UHRF1: variants seen among roughly 807,000 people sequenced by gnomAD.
UHRF1 encodes the protein E3 ubiquitin-protein ligase UHRF1.
A neutral mutation model predicts 96.5 loss-of-function variants in UHRF1; 9 were observed. That is an observed-to-expected ratio of 0.09 (90% CI 0.06 to 0.16). The LOEUF is 0.16. Ranked by LOEUF, UHRF1 falls within the 10% of genes least tolerant of loss-of-function variation. UHRF1 has a pLI of 1.00. For missense variants in UHRF1, 626 were observed against 1,131.1 expected (o/e 0.55, Z 6.40); for synonymous variants, 455 against 469.9 (o/e 0.97, Z 0.41).
rs2032971814 is a variant in UHRF1, at chr19:4,929,290, C to T, written c.222C>T (p.Arg74=). The change falls in exon 3 of 17, where the codon CGC becomes CGT. Residue 74 remains arginine, a synonymous_variant. Transcript: ENST00000650932. ...ATGACACCATCCAGCTCCTGGTCCG[C>T]CAGAGCCTCGTGCTCCCCCACAGCA... ...RLNDTIQLLV[R]QSLVLPHSTK... is the part of the protein sequence containing the mutation. 1.9e-6 allele frequency: 3 copies of T among 1,613,962 alleles called. No individual in the cohort carries two copies. The highest frequency in any genetic ancestry group is 2.5e-6 in the Non-Finnish European group (3 of 1,179,900).
chr19:4,940,111 T>C (rs1020950945), intron 5 of UHRF1, among the ~76,000 whole-genome samples: 3 of 152,080 alleles, frequency 2.0e-5, no homozygotes, highest in Admixed American at 1.3e-4. Flanking sequence ...TCATATTCAT[T>C]CCATGTTGAA....
chr19:4,935,860 G>A (rs962342874), intron 5 of UHRF1, among the ~76,000 whole-genome samples: 10 of 152,226 alleles, frequency 6.6e-5, no homozygotes, highest in African/African-American at 2.2e-4. Context: ...GGCTCCATCC[G>A]CACCAGTTAT....
intron 1 of UHRF1, among the ~76,000 whole-genome samples, chr19:4,904,126 G>A (rs2656928): frequency 0.19 from 28,620 of 151,668 alleles, 3,405 homozygotes; most frequent in Admixed American, 0.27. Context: ...ACGGGCATGG[G>A]GGTTACAGGC....
intron 13 of UHRF1, among the ~76,000 whole-genome samples, chr19:4,951,420 AC>A (rs1357184854): frequency 1.3e-5 from 2 of 152,038 alleles, no homozygotes; most frequent in African/African-American, 2.4e-5. Context: ...ACCGCGCTGA[AC>A]ACTCCAGGAG....
chr19:4,946,056 GTT>G, intron 10 of UHRF1, 91 bp downstream of exon 10: 1 of 974,620 alleles, frequency 1.0e-6, no homozygotes, highest in Non-Finnish European at 1.5e-6. Flanking sequence ...CATCCTAGCC[GTT>G]TTTAAATGCT....
At chr19:4,935,205 C>T (rs1045445574) in intron 5 of UHRF1, among the ~76,000 whole-genome samples, 4 of 152,028 alleles carry the variant, frequency 2.6e-5, no homozygotes, top group Admixed American at 6.6e-5. Context: ...TGACCTCAGG[C>T]GATCCACCCA....
At chr19:4,914,936 G>A (rs145139758) in intron 2 of UHRF1, among the ~76,000 whole-genome samples, 3 of 152,288 alleles carry the variant, frequency 2.0e-5, no homozygotes, top group East Asian at 3.9e-4. Context: ...GGCCTGTCCC[G>A]CTCTGCACTG....
chr19:4,932,658 G>A (rs1034731816), intron 4 of UHRF1, 83 bp from the exon 5 acceptor site: 2 of 1,486,412 alleles, frequency 1.3e-6, no homozygotes, highest in Non-Finnish European at 1.9e-6. Flanking sequence ...GTCGGGAGGG[G>A]CCGTCCCACC....
rs1383511302 is a variant in UHRF1 at position 4,909,622 on chromosome 19, G to T, written c.-44G>T. On this transcript the variant is annotated 5_prime_UTR_variant, in exon 1 of 17. Transcript: ENST00000650932. Reference sequence around the variant, plus strand: ...CGCCATCCCCAGCCGGGCCACGCGCGCAGGCAGACAAGCTGTTCGCGGCGA... The same window carrying T: ...CGCCATCCCCAGCCGGGCCACGCGCTCAGGCAGACAAGCTGTTCGCGGCGA... 1.6e-6 allele frequency: 1 copy of T among 613,840 alleles called. No homozygotes were observed. 38.0% of individuals were successfully genotyped at this position (613,840 alleles called of 1,614,324 possible). A position where few individuals can be genotyped will look rare whatever the true frequency, so the allele number is the denominator to read the frequency against.
intron 16 of UHRF1, among the ~76,000 whole-genome samples, chr19:4,960,008 G>A (rs2033949818): frequency 6.6e-6 from 1 of 152,178 alleles, no homozygotes; most frequent in Non-Finnish European, 1.5e-5. Context: ...TTACAGGCAT[G>A]TGCCTGGCTA....
intron 2 of UHRF1, among the ~76,000 whole-genome samples, chr19:4,921,003 A>G (rs148663505): frequency 6.6e-6 from 1 of 152,138 alleles, no homozygotes; most frequent in African/African-American, 2.4e-5. Flanking sequence ...ATGCACCTGC[A>G]GTCCCAGCTA....
chr19:4,946,994 T>TAG (rs745883812), intron 10 of UHRF1, 111 bp from the exon 11 acceptor site: 3 of 819,486 alleles, frequency 3.7e-6, no homozygotes, highest in Non-Finnish European at 6.0e-6. Flanking sequence ...CAACGCTTGT[T>TAG]ATTTTCTGTT....
At chr19:4,911,198 C>G (rs991325512) in intron 2 of UHRF1, among the ~76,000 whole-genome samples, 160 bp downstream of exon 2, 4 of 151,928 alleles carry the variant, frequency 2.6e-5, no homozygotes, top group African/African-American at 9.7e-5. Flanking sequence ...ACCTCAAATG[C>G]CTGCGAGAGG....
chr19:4,948,109 A>AT (rs1016152134), intron 11 of UHRF1, among the ~76,000 whole-genome samples: 1 of 151,640 alleles, frequency 6.6e-6, no homozygotes, highest in Non-Finnish European at 1.5e-5. Flanking sequence ...GTCAAAAAAA[A>AT]AAAAAAAAAA....
In UHRF1 at chr19:4,944,330, G is replaced by C. The variant is rs770512081; in HGVS notation, c.1198-13G>C. The C allele has an allele frequency of 3.1e-6, 5 of 1,614,050 alleles. No individual in the cohort carries two copies. The East Asian group carries it at 8.9e-5, about 29-fold the overall frequency. On this transcript the variant is annotated splice_polypyrimidine_tract_variant and intron_variant, in intron 8 of 16. Transcript: ENST00000650932. Reference sequence around the variant, plus strand: ...GCTCACGCTGTTGTTCTTTGTGTCTGTGCCTGGGACAGGGCATGGCCTGTG... The same window carrying C: ...GCTCACGCTGTTGTTCTTTGTGTCTCTGCCTGGGACAGGGCATGGCCTGTG...
intron 9 of UHRF1, among the ~76,000 whole-genome samples, chr19:4,944,990 T>C (rs1291502979): frequency 2.0e-5 from 3 of 152,144 alleles, no homozygotes; most frequent in Admixed American, 6.6e-5. Flanking sequence ...CAGACATGAG[T>C]GTCCCCTTGG....
intron 2 of UHRF1, among the ~76,000 whole-genome samples, chr19:4,917,206 C>T (rs2032548615): frequency 6.8e-6 from 1 of 148,006 alleles, no homozygotes; most frequent in East Asian, 2.1e-4. Context: ...ATCCTCCCAT[C>T]TTGACTTCCC....
intron 15 of UHRF1, among the ~76,000 whole-genome samples, chr19:4,955,119 C>T (rs901315932): frequency 6.6e-6 from 1 of 152,070 alleles, no homozygotes; most frequent in Admixed American, 6.6e-5. Flanking sequence ...GCACCCCCTG[C>T]CATCCTACCT....
chr19:4,940,003 G>C (rs188661606), intron 5 of UHRF1, among the ~76,000 whole-genome samples: 3 of 144,228 alleles, frequency 2.1e-5, no homozygotes, highest in East Asian at 2.0e-4. Flanking sequence ...CAGCCTGGGC[G>C]ACAGAGCGAG....
Sources: gnomAD v4.1 joint callset for allele counts (sites outside exome capture counted in the v4.1 genomes callset) on GRCh38, gnomAD v4.1.1 for gene constraint, MANE v1.5 for transcripts, NCBI Gene and HGNC (gene_info 2026-07-23, HGNC 2026-07-21) for gene names.